MEI4: variants seen among roughly 807,000 people sequenced by gnomAD.
MEI4 encodes the protein meiosis-specific protein MEI4.
MEI4 carries 27 observed loss-of-function variants against 31.4 expected under a neutral mutation model. The observed-to-expected ratio is 0.86, with a 90% CI of 0.63 to 1.19. MEI4 has a LOEUF of 1.19. MEI4 is among the 50% of genes most tolerant of loss of function. The pLI, the probability that MEI4 is intolerant of heterozygous loss-of-function variation, is 0.00. For missense variants in MEI4, 329 were observed against 398.9 expected, an observed-to-expected ratio of 0.82 and a Z score of 1.49; for synonymous variants, 122 against 145.4, an observed-to-expected ratio of 0.84 and a Z score of 1.16.
chr6:77,908,362 C>T (rs1766348752), intron 4 of MEI4, among the ~76,000 whole-genome samples: 1 of 152,168 alleles, frequency 6.6e-6, no homozygotes, highest in African/African-American at 2.4e-5. Context: ...CAGCTTTCTA[C>T]ATATGGTTAG....
chr6:77,869,196 C>T (rs1481833403), intron 4 of MEI4, among the ~76,000 whole-genome samples: 1 of 151,948 alleles, frequency 6.6e-6, no homozygotes, highest in Non-Finnish European at 1.5e-5. Context: ...TAAATTATGT[C>T]AAATAATAAG....
chr6:77,757,773 C>A (rs943622360), intron 2 of MEI4, among the ~76,000 whole-genome samples: 5 of 152,000 alleles, frequency 3.3e-5, no homozygotes, highest in Non-Finnish European at 5.9e-5. Context: ...TCCGTATTTC[C>A]CCTTTATTTA....
At chr6:77,868,311 A>T (rs1366311722) in intron 4 of MEI4, among the ~76,000 whole-genome samples, 1 of 151,418 alleles carries the variant, frequency 6.6e-6, no homozygotes, top group African/African-American at 2.4e-5. Context: ...CTGGTTGCAA[A>T]TCTTATACTG....
intron 2 of MEI4, among the ~76,000 whole-genome samples, chr6:77,738,787 C>A (rs1397962128): frequency 1.3e-5 from 2 of 152,182 alleles, no homozygotes; most frequent in African/African-American, 2.4e-5. Context: ...TCCATTCTAA[C>A]TGGTGTGAGA....
At chr6:77,882,120 C>A (rs1419874341) in intron 4 of MEI4, among the ~76,000 whole-genome samples, 1 of 152,090 alleles carries the variant, frequency 6.6e-6, no homozygotes, top group East Asian at 1.9e-4. Context: ...CTGGAGTGAC[C>A]TACAGAACTC....
chr6:77,757,598 C>T (rs1767946611), intron 2 of MEI4, among the ~76,000 whole-genome samples: 1 of 152,152 alleles, frequency 6.6e-6, no homozygotes, highest in Admixed American at 6.6e-5. Flanking sequence ...TGGCAATCAC[C>T]TTTTTTCTTC....
At chr6:77,890,966 G>C (rs1364178127) in intron 4 of MEI4, among the ~76,000 whole-genome samples, 1 of 152,172 alleles carries the variant, frequency 6.6e-6, no homozygotes, top group Non-Finnish European at 1.5e-5. Context: ...AGAACGGTGA[G>C]TCAATTAAAC....
chr6:77,737,485 G>C (rs911624751), intron 2 of MEI4, among the ~76,000 whole-genome samples: 1 of 152,072 alleles, frequency 6.6e-6, no homozygotes, highest in Non-Finnish European at 1.5e-5. Flanking sequence ...AGGAGTGCAC[G>C]TTCCTAAGGG....
In MEI4 at chr6:77,655,300, T is replaced by C. The variant is rs901494778; in HGVS notation, c.-15+2208T>C. Among the ~76,000 whole-genome samples, 9 of 152,324 alleles carry C rather than the reference T, an allele frequency of 5.9e-5. No individual in the cohort carries two copies. In the East Asian group the frequency reaches 9.7e-4, roughly 16 times the overall value. On this transcript the variant is annotated intron_variant, in intron 1 of 4. Transcript: ENST00000684080. ...TGTGCCACATTTTCTTTATCCAGTT[T>C]ATCATTGATGGGCATTTGGCTTGGT...
chr6:77,759,548 T>G (rs1186033317), intron 2 of MEI4, among the ~76,000 whole-genome samples: 2 of 152,198 alleles, frequency 1.3e-5, no homozygotes, highest in Admixed American at 1.3e-4. Flanking sequence ...TTCTTTTATC[T>G]TTTTACTATT....
chr6:77,757,225 G>T (rs1319203282), intron 2 of MEI4, among the ~76,000 whole-genome samples: 3 of 152,186 alleles, frequency 2.0e-5, no homozygotes, highest in Non-Finnish European at 4.4e-5. Context: ...AATAAAATAT[G>T]AATATAAGGT....
intron 4 of MEI4, among the ~76,000 whole-genome samples, chr6:77,907,854 G>A (rs1027041583): frequency 1.3e-5 from 2 of 152,030 alleles, no homozygotes; most frequent in African/African-American, 4.8e-5. Flanking sequence ...ATTGGTATGA[G>A]ATGGTATCTC....
At chr6:77,907,587 G>A (rs1478392451) in intron 4 of MEI4, among the ~76,000 whole-genome samples, 2 of 152,120 alleles carry the variant, frequency 1.3e-5, no homozygotes, top group African/African-American at 2.4e-5. Flanking sequence ...GAATAGTGCT[G>A]CAATAAACAT....
At chr6:77,711,483 A>G (rs1031419249) in intron 2 of MEI4, among the ~76,000 whole-genome samples, 4 of 152,178 alleles carry the variant, frequency 2.6e-5, no homozygotes, top group South Asian at 2.1e-4. Flanking sequence ...CCTTTCTGAC[A>G]TGGACCTTTT....
intron 4 of MEI4, among the ~76,000 whole-genome samples, chr6:77,882,480 T>A (rs1431416587): frequency 2.6e-5 from 4 of 152,210 alleles, no homozygotes. Flanking sequence ...GAAAGTTTAA[T>A]GTTGGAGTTG....
intron 2 of MEI4, among the ~76,000 whole-genome samples, chr6:77,757,076 G>T (rs1351406926): frequency 6.6e-6 from 1 of 152,180 alleles, no homozygotes; most frequent in Non-Finnish European, 1.5e-5. Flanking sequence ...GATTTCACTT[G>T]TTCACTGTGT....
intron 3 of MEI4, among the ~76,000 whole-genome samples, chr6:77,797,147 A>G (rs1420233589): frequency 6.6e-6 from 1 of 152,214 alleles, no homozygotes; most frequent in Non-Finnish European, 1.5e-5. Flanking sequence ...ATGTAAAATA[A>G]TGAAATTGGA....
intron 2 of MEI4, among the ~76,000 whole-genome samples, chr6:77,692,371 A>T (rs546048816): frequency 6.6e-6 from 1 of 152,068 alleles, no homozygotes; most frequent in African/African-American, 2.4e-5. Context: ...CTGAGGAGAG[A>T]CCTTTGATTT....
At chr6:77,724,960 T>C (rs549288145) in intron 2 of MEI4, among the ~76,000 whole-genome samples, 7,760 of 131,938 alleles carry the variant, frequency 0.059, 46 homozygotes, top group African/African-American at 0.13. Flanking sequence ...GAAACTGAAA[T>C]ACTATCTTCT....
Sources: allele counts gnomAD v4.1 joint callset (sites outside exome capture counted in the v4.1 genomes callset), GRCh38; gene constraint gnomAD v4.1.1; transcripts MANE v1.5; gene names NCBI Gene and HGNC (gene_info 2026-07-23, HGNC 2026-07-21).